Variants in SH2D3C observed in about 807,000 individuals in gnomAD.
SH2D3C encodes the protein SH2 domain containing 3C.
A neutral mutation model predicts 75.2 loss-of-function variants in SH2D3C; 25 were observed. The ratio of observed to expected loss-of-function variants is 0.33; its 90% confidence interval spans 0.24 to 0.46. SH2D3C has a LOEUF of 0.46. Ranked by LOEUF, SH2D3C falls within the 20% of genes least tolerant of loss-of-function variation. The pLI, the probability that SH2D3C is intolerant of heterozygous loss-of-function variation, is 1.00. For synonymous variants in SH2D3C, 450 were observed against 473.7 expected, an observed-to-expected ratio of 0.95 and a Z score of 0.65; for missense variants, 933 against 1,165.3, an observed-to-expected ratio of 0.80 and a Z score of 2.90.
In SH2D3C at chr9:127,742,083, G is replaced by A. The variant is rs914776485; in HGVS notation, c.1917-124C>T. The A allele has an allele frequency of 1.0e-5, 9 of 892,866 alleles. No homozygotes were observed. In the African/African-American group the frequency reaches 1.5e-4, roughly 15 times the overall value. 55.3% of individuals were successfully genotyped at this position (892,866 alleles called of 1,614,324 possible). On this transcript the variant is annotated intron_variant, in intron 8 of 11. Transcript: ENST00000314830. Reference sequence around the variant, plus strand: ...GCGGAGCCAACGTGAGAGGTTGTAAGGGTCAATGGGATAAGGGGGCGCGGC... The same window carrying A: ...GCGGAGCCAACGTGAGAGGTTGTAAAGGTCAATGGGATAAGGGGGCGCGGC...
intron 2 of SH2D3C, among the ~76,000 whole-genome samples, chr9:127,761,920 A>G (rs1588516619): frequency 1.3e-5 from 2 of 152,294 alleles, no homozygotes; most frequent in African/African-American, 2.4e-5. Flanking sequence ...TGACTCAAGG[A>G]CCCAGGGCGT....
intron 1 of SH2D3C, among the ~76,000 whole-genome samples, chr9:127,778,208 G>A (rs1242865456): frequency 2.7e-5 from 4 of 150,004 alleles, no homozygotes; most frequent in Non-Finnish European, 5.9e-5. Flanking sequence ...GGCTGGTCTC[G>A]AACTCCTGAC....
chr9:127,773,758 A>C (rs568996979), intron 2 of SH2D3C, among the ~76,000 whole-genome samples: 2 of 151,950 alleles, frequency 1.3e-5, no homozygotes, highest in East Asian at 3.9e-4. Context: ...TCTCTACTAA[A>C]AATACAAAAA....
At position 127,752,453 on chromosome 9, in the gene SH2D3C, G is replaced by A. The variant is rs372709503; in HGVS notation, c.556-1153C>T. Among the ~76,000 whole-genome samples, 130 of 152,168 alleles carry A rather than the reference G, an allele frequency of 8.5e-4. 1 individual carries two copies. In the South Asian group the frequency reaches 0.022, roughly 26 times the overall value. On this transcript the variant is annotated intron_variant, in intron 3 of 11. Transcript: ENST00000314830. Reference sequence around the variant, plus strand: ...TACTCCAAGACAGACAGACCCCAGCGCTGGCCAGAAGGCAGGACAGATGAG... The same window carrying A: ...TACTCCAAGACAGACAGACCCCAGCACTGGCCAGAAGGCAGGACAGATGAG...
At chr9:127,766,167 G>T (rs1845630522) in intron 2 of SH2D3C, among the ~76,000 whole-genome samples, 1 of 152,172 alleles carries the variant, frequency 6.6e-6, no homozygotes, top group South Asian at 2.1e-4. Context: ...CTGCCATCCT[G>T]CCCCACCCTG....
At chr9:127,757,163 G>C (rs111873392) in intron 3 of SH2D3C, among the ~76,000 whole-genome samples, 10 of 144,828 alleles carry the variant, frequency 6.9e-5, no homozygotes, top group African/African-American at 2.6e-4. Flanking sequence ...GGCTGGTCTT[G>C]ACCTCTTGAC....
At chr9:127,742,999 G>A in intron 7 of SH2D3C, 35 bp from the exon 8 acceptor site, 1 of 1,523,992 alleles carries the variant, frequency 6.6e-7, no homozygotes, top group Non-Finnish European at 9.1e-7. Context: ...TTAATATCCT[G>A]TCAGGGCTGG....
intron 6 of SH2D3C, among the ~76,000 whole-genome samples, chr9:127,746,744 T>C (rs536100291): frequency 3.6e-4 from 54 of 152,032 alleles, no homozygotes; most frequent in African/African-American, 1.3e-3. Flanking sequence ...TCGAGACCAC[T>C]CTGGCCAACA....
intron 2 of SH2D3C, among the ~76,000 whole-genome samples, chr9:127,767,937 G>A (rs547563408): frequency 6.6e-6 from 1 of 152,324 alleles, no homozygotes; most frequent in East Asian, 1.9e-4. Context: ...CCAGCAGCCT[G>A]CAACTGGGTC....
chr9:127,739,838 T>C lies in SH2D3C; in HGVS notation c.2251A>G (p.Thr751Ala). ...GGGGCCGAGTCACACTCCAGCAGGG[T>C]GATGAGGGGCAGCACATGAGGAAAC... is the stretch of plus-strand genomic sequence containing the variant. Reference protein sequence around the residue: ...TTFPHVLPLITLLECDSAPPE... With the variant: ...TTFPHVLPLIALLECDSAPPE... The change falls in exon 11 of 12, where the codon ACC becomes GCC. Residue 751 changes from threonine to alanine, a missense_variant. Thr to Ala is a moderately conservative substitution (Grantham distance 58, BLOSUM62 0). Coordinates refer to ENST00000314830, the MANE Select transcript of SH2D3C (RefSeq NM_170600.3). The surrounding 1 kb of genome is among the most constrained non-coding windows in gnomAD (Gnocchi z 4.3). 1 of 1,575,584 alleles carries C rather than the reference T, an allele frequency of 6.3e-7. No individual in the cohort carries two copies. Among genetic ancestry groups the C allele is most frequent in the Non-Finnish European group, 8.6e-7 (1 of 1,159,394 alleles).
At chr9:127,771,117 G>A in intron 2 of SH2D3C, 1 of 1,251,950 alleles carries the variant, frequency 8.0e-7, no homozygotes, top group Non-Finnish European at 1.1e-6. Context: ...TGCCCCAGGG[G>A]TGCAGATTTC....
At chr9:127,770,551 T>G (rs1845714474) in intron 2 of SH2D3C, among the ~76,000 whole-genome samples, 1 of 152,110 alleles carries the variant, frequency 6.6e-6, no homozygotes, top group South Asian at 2.1e-4. Flanking sequence ...CAGGGACTTC[T>G]GGAAGGAATG....
intron 4 of SH2D3C, among the ~76,000 whole-genome samples, chr9:127,750,363 C>T (rs773425828): frequency 5.9e-5 from 9 of 152,084 alleles, no homozygotes; most frequent in Non-Finnish European, 1.3e-4. Flanking sequence ...CCATGTGGGC[C>T]AGGCTGGTCT....
At chr9:127,767,409 A>G in intron 2 of SH2D3C, 4 of 1,082,704 alleles carry the variant, frequency 3.7e-6, no homozygotes, top group Non-Finnish European at 5.1e-6. Flanking sequence ...TGCTCAGACT[A>G]GAACCAGATG....
In SH2D3C at chr9:127,749,021, G is replaced by C. The variant is rs1845115168; in HGVS notation, c.1139+190C>G. ...GTGGCAGAGCTGGGACTGCAACCTG[G>C]GTCTGACTCCCTGCAAGCCCTGTGT... On this transcript the variant is annotated intron_variant, in intron 5 of 11. Coordinates refer to ENST00000314830, the MANE Select transcript of SH2D3C (RefSeq NM_170600.3). This position sits in a 1 kb window ranked among gnomAD's most constrained non-coding sequence, Gnocchi z 5.9. 6.6e-6 allele frequency among the ~76,000 whole-genome samples: 1 copy of C among 152,148 alleles called. No homozygotes were observed. Among genetic ancestry groups the C allele is most frequent in the South Asian group, 2.1e-4 (1 of 4,832 alleles).
chr9:127,746,335 A>G (rs927498497), intron 6 of SH2D3C, among the ~76,000 whole-genome samples: 5 of 152,214 alleles, frequency 3.3e-5, no homozygotes, highest in African/African-American at 1.2e-4. Flanking sequence ...TTGGCCTGCC[A>G]CGTGGACAAT....
At position 127,739,579 on chromosome 9, in the gene SH2D3C, A is replaced by G. The variant is rs1290004030; in HGVS notation, c.2407+103T>C. 1 of 989,166 alleles carries G rather than the reference A, an allele frequency of 1.0e-6. No individual in the cohort carries two copies. Among genetic ancestry groups the G allele is most frequent in the Non-Finnish European group, 1.5e-6 (1 of 657,078 alleles). 61.3% of individuals were successfully genotyped at this position (989,166 alleles called of 1,614,324 possible). A position where few individuals can be genotyped will look rare whatever the true frequency, so the allele number is the denominator to read the frequency against. Reference sequence around the variant, plus strand: ...TCAGGGAGACAGGGCAGGACAGAGGAGTGGAGAAATGTGAATGGATGCCTT... The same window carrying G: ...TCAGGGAGACAGGGCAGGACAGAGGGGTGGAGAAATGTGAATGGATGCCTT... On this transcript the variant is annotated intron_variant, in intron 11 of 11. Transcript: ENST00000314830. This position sits in a 1 kb window ranked among gnomAD's most constrained non-coding sequence, Gnocchi z 4.3.
At chr9:127,741,427 C>T (rs374796742) in intron 9 of SH2D3C, among the ~76,000 whole-genome samples, 4 of 151,786 alleles carry the variant, frequency 2.6e-5, no homozygotes, top group Non-Finnish European at 5.9e-5. Context: ...TTAGTAGAAA[C>T]GGGGTTTCAC....
chr9:127,772,323 A>C (rs1187093457), intron 2 of SH2D3C, among the ~76,000 whole-genome samples: 1 of 145,396 alleles, frequency 6.9e-6, no homozygotes. Context: ...GGGTCACTGC[A>C]ACCTCTGCCT....
Sources: gnomAD v4.1 joint callset for allele counts (sites outside exome capture counted in the v4.1 genomes callset) on GRCh38, gnomAD v4.1.1 for gene constraint, Gnocchi (gnomAD v3.1) non-coding constraint, MANE v1.5 for transcripts, NCBI Gene and HGNC (gene_info 2026-07-23, HGNC 2026-07-21) for gene names.